The following PRRG1 variants were observed in gnomAD, a reference collection of about 807,000 sequenced individuals.
PRRG1 encodes proline rich and Gla domain 1, also known as transmembrane gamma-carboxyglutamic acid protein 1.
Under a neutral mutation model 11.8 loss-of-function variants are expected in PRRG1, and 5 were observed. The ratio of observed to expected loss-of-function variants is 0.42; its 90% CI spans 0.22 to 0.89. PRRG1 has a LOEUF of 0.89. Ranked by LOEUF, PRRG1 falls within the 40% of genes least tolerant of loss-of-function variation. The pLI is 0.28. For missense variants in PRRG1, 155 were observed against 166.1 expected (o/e 0.93, Z 0.37); for synonymous variants, 66 against 60.4 (o/e 1.09, Z -0.43).
chrX:37,381,219 C>T (rs887092975), intron 1 of PRRG1, among the ~76,000 whole-genome samples: 4 of 111,450 alleles, frequency 3.6e-5, no homozygotes, highest in Admixed American at 9.6e-5. Flanking sequence ...GGTATGCTTT[C>T]GATTGTGTCT....
At chrX:37,437,438 G>A (rs1932897798) in intron 3 of PRRG1, among the ~76,000 whole-genome samples, 1 of 112,094 alleles carries the variant, frequency 8.9e-6, no homozygotes, top group South Asian at 3.7e-4. Flanking sequence ...GGGTACCAGT[G>A]AGGCTGACAG....
chrX:37,407,037 A>G (rs952629288), intron 2 of PRRG1, among the ~76,000 whole-genome samples: 15 of 112,164 alleles, frequency 1.3e-4, no homozygotes, highest in African/African-American at 4.9e-4. Flanking sequence ...ATTTTAACAG[A>G]ATTTTAACAT....
chrX:37,365,818 G>A (rs1930555561), intron 1 of PRRG1, among the ~76,000 whole-genome samples: 1 of 111,720 alleles, frequency 9.0e-6, no homozygotes, highest in Non-Finnish European at 1.9e-5. Context: ...GTATCCTTCT[G>A]TGGGACCAAG....
rs542194109 is a variant in PRRG1, at chrX:37,376,551, G to GTATATATA, written c.-42+27170_-42+27177dup. Among the ~76,000 whole-genome samples, 147 of 26,904 alleles carry GTATATATA rather than the reference G, an allele frequency of 5.5e-3. 24 individuals carry two copies. Among genetic ancestry groups the GTATATATA allele is most frequent in the East Asian group, 0.032 (17 of 525 alleles). The allele number at this position is 26,904 out of a possible 115,157, so 23.4% of individuals were successfully genotyped here. ...TCAGTGTTTAGTCAGAAATGTGAGT[G>GTATATATA]TATATATATATATATATATATGTGC... On this transcript the variant is annotated intron_variant, in intron 1 of 3. Coordinates refer to ENST00000378628, the MANE Select transcript of PRRG1 (RefSeq NM_001142395.2).
intron 1 of PRRG1, among the ~76,000 whole-genome samples, chrX:37,402,184 C>G (rs1179057965): frequency 9.0e-6 from 1 of 111,414 alleles, no homozygotes; most frequent in Non-Finnish European, 1.9e-5. Context: ...CCAAGTCAAT[C>G]CTAAGCCAAA....
chrX:37,433,284 A>G (rs1225042989), intron 3 of PRRG1, among the ~76,000 whole-genome samples: 2 of 111,681 alleles, frequency 1.8e-5, no homozygotes, highest in Admixed American at 9.5e-5. Context: ...CACTCGATAT[A>G]TAGTTATTTC....
intron 3 of PRRG1, among the ~76,000 whole-genome samples, chrX:37,440,307 C>A (rs1932952032): frequency 8.9e-6 from 1 of 111,839 alleles, no homozygotes; most frequent in Admixed American, 9.5e-5. Context: ...CAGCCTAAGA[C>A]AGAATGTCTT....
intron 1 of PRRG1, among the ~76,000 whole-genome samples, chrX:37,387,872 A>G (rs1054840887): frequency 1.8e-5 from 2 of 112,019 alleles, no homozygotes; most frequent in African/African-American, 6.5e-5. Flanking sequence ...ATCTGAAACA[A>G]GGCTAGCCCC....
chrX:37,380,558 A>T lies in PRRG1; in HGVS notation c.-41-25651A>T, dbSNP rs782125637. Among the ~76,000 whole-genome samples the T allele has an allele frequency of 4.5e-5, 5 of 111,471 alleles. No individual in the cohort carries two copies. In the South Asian group the frequency reaches 1.9e-3, roughly 42 times the overall value. On this transcript the variant is annotated intron_variant, in intron 1 of 3. Coordinates refer to ENST00000378628, the MANE Select transcript of PRRG1 (RefSeq NM_001142395.2). Reference sequence around the variant, plus strand: ...CATTGGGTTTTTAATGAGCAGATCAAGTAAAATGGTATGAATGTGCTTGAT... The same window carrying T: ...CATTGGGTTTTTAATGAGCAGATCATGTAAAATGGTATGAATGTGCTTGAT...
chrX:37,405,480 C>G (rs914353152), intron 1 of PRRG1, among the ~76,000 whole-genome samples: 1 of 110,820 alleles, frequency 9.0e-6, no homozygotes, highest in African/African-American at 3.3e-5. Flanking sequence ...CATGATAGCT[C>G]TATGATTGAA....
At chrX:37,412,945 C>T (rs1556384243) in intron 2 of PRRG1, among the ~76,000 whole-genome samples, 1 of 110,741 alleles carries the variant, frequency 9.0e-6, no homozygotes, top group Non-Finnish European at 1.9e-5. Context: ...CATTTTGTAA[C>T]CAGAAGGTTG....
At chrX:37,434,992 T>A (rs781857808) in intron 3 of PRRG1, among the ~76,000 whole-genome samples, 7 of 112,195 alleles carry the variant, frequency 6.2e-5, no homozygotes, top group Admixed American at 5.7e-4. Flanking sequence ...ATAGGAACAG[T>A]CTGGGTGCTT....
chrX:37,383,053 G>A (rs1389943986), intron 1 of PRRG1, among the ~76,000 whole-genome samples: 2 of 111,582 alleles, frequency 1.8e-5, no homozygotes, highest in Non-Finnish European at 3.8e-5. Context: ...CTTTACCTAT[G>A]TAGTTAGTGT....
intron 3 of PRRG1, among the ~76,000 whole-genome samples, chrX:37,428,807 G>A (rs1207082621): frequency 8.9e-6 from 1 of 112,821 alleles, no homozygotes; most frequent in Non-Finnish European, 1.9e-5. Context: ...GATAGCAGAG[G>A]TTCTCCATGA....
chrX:37,406,446 T>G (rs1195572856), intron 2 of PRRG1, among the ~76,000 whole-genome samples, 187 bp downstream of exon 2: 1 of 110,869 alleles, frequency 9.0e-6, no homozygotes, highest in Non-Finnish European at 1.9e-5. Context: ...TCACTGGATC[T>G]TTGATTTTCT....
intron 3 of PRRG1, among the ~76,000 whole-genome samples, chrX:37,446,679 T>A (rs1449275439): frequency 1.8e-5 from 2 of 111,075 alleles, no homozygotes; most frequent in African/African-American, 6.6e-5. Context: ...AGAGAGGAGA[T>A]TTATTTAGCT....
intron 2 of PRRG1, among the ~76,000 whole-genome samples, chrX:37,407,965 C>A (rs1932230681): frequency 8.9e-6 from 1 of 111,934 alleles, no homozygotes; most frequent in Admixed American, 9.5e-5. Flanking sequence ...CCAGAGCTGC[C>A]CTTGGAAATT....
chrX:37,393,171 T>G (rs1216176458), intron 1 of PRRG1, among the ~76,000 whole-genome samples: 5 of 110,866 alleles, frequency 4.5e-5, no homozygotes, highest in African/African-American at 1.6e-4. Flanking sequence ...TAACAGCATT[T>G]TGATGCTCTT....
At chrX:37,365,391 A>G (rs1034878710) in intron 1 of PRRG1, among the ~76,000 whole-genome samples, 2 of 111,661 alleles carry the variant, frequency 1.8e-5, no homozygotes, top group African/African-American at 6.5e-5. Context: ...TGGCAGGTGC[A>G]GATGTGAGTT....
Sources: allele counts gnomAD v4.1 joint callset (sites outside exome capture counted in the v4.1 genomes callset), GRCh38; gene constraint gnomAD v4.1.1; transcripts MANE v1.5; gene names NCBI Gene and HGNC (gene_info 2026-07-23, HGNC 2026-07-21).